NHS: variants seen among roughly 807,000 people sequenced by gnomAD.
NHS encodes NHS actin remodeling regulator, also known as actin remodeling regulator NHS.
Under a neutral mutation model 72.5 loss-of-function variants are expected in NHS, and 5 were observed. The ratio of observed to expected loss-of-function variants is 0.07; its 90% CI spans 0.04 to 0.14. NHS has a LOEUF of 0.14. NHS is among the 10% of genes least tolerant of loss of function. The probability of loss-of-function intolerance (pLI) is 1.00; values close to 1 mark genes in which losing one functional copy is unlikely to be tolerated. For synonymous variants in NHS, 464 were observed against 547.7 expected (o/e 0.85, Z 2.13); for missense variants, 1,072 against 1,355.7 (o/e 0.79, Z 3.29).
At chrX:17,688,940 G>A (rs1023639630) in intron 2 of NHS, among the ~76,000 whole-genome samples, 1 of 111,714 alleles carries the variant, frequency 9.0e-6, no homozygotes, top group African/African-American at 3.3e-5. Flanking sequence ...AGCTTTTTTT[G>A]GCCTTTAGAT....
intron 1 of NHS, among the ~76,000 whole-genome samples, chrX:17,553,727 C>A (rs1272227831): frequency 1.8e-5 from 2 of 111,609 alleles, no homozygotes; most frequent in African/African-American, 3.3e-5. Context: ...ACGCCCTGGG[C>A]AGCCCATGTG....
intron 3 of NHS, among the ~76,000 whole-genome samples, chrX:17,702,505 G>A (rs938188432): frequency 1.8e-5 from 2 of 110,544 alleles, no homozygotes; most frequent in Admixed American, 9.6e-5. Context: ...TGGCCAACAC[G>A]GTGAAACCCC....
At chrX:17,497,237 A>T (rs1393842189) in intron 1 of NHS, among the ~76,000 whole-genome samples, 1 of 111,729 alleles carries the variant, frequency 9.0e-6, no homozygotes, top group Admixed American at 9.5e-5. Flanking sequence ...AATGCCTTGG[A>T]GTTTTTCTGG....
In NHS at chrX:17,725,970, G is replaced by A; in HGVS notation, c.1864G>A (p.Asp622Asn). ...TAGVLLSSHM[D>N]QKDDHQSSSG... ...TGGCGTCCTCCTTAGCAGCCACATG[G>A]ACCAGAAAGATGACCACCAGTCATC... Residue 622 changes from aspartate (D) to asparagine (N), a missense_variant, in exon 7 of 9, where the codon GAC becomes AAC. Transcript: ENST00000676302. 1 of 1,211,605 alleles carries A rather than the reference G, an allele frequency of 8.3e-7. No homozygotes were observed. Among genetic ancestry groups the A allele is most frequent in the African/African-American group, 1.7e-5 (1 of 57,719 alleles).
intron 1 of NHS, among the ~76,000 whole-genome samples, chrX:17,611,768 T>C (rs2065712578): frequency 1.8e-5 from 2 of 110,816 alleles, no homozygotes; most frequent in Admixed American, 1.9e-4. Flanking sequence ...AAGCCAAGGG[T>C]CTTCAAATCC....
intron 1 of NHS, among the ~76,000 whole-genome samples, chrX:17,445,760 G>A (rs924665303): frequency 3.9e-5 from 4 of 102,725 alleles, no homozygotes; most frequent in Non-Finnish European, 7.9e-5. Context: ...AAAAAAAGGG[G>A]GGGGGGACTC....
intron 1 of NHS, among the ~76,000 whole-genome samples, chrX:17,561,564 G>GCACACA (rs2065413165): frequency 1.5e-5 from 1 of 66,788 alleles, no homozygotes; most frequent in African/African-American, 7.9e-5. Context: ...GCATGCGCGC[G>GCACACA]CGCGCGCGCG....
intron 1 of NHS, among the ~76,000 whole-genome samples, chrX:17,593,971 T>C (rs1325110918): frequency 8.9e-6 from 1 of 111,785 alleles, no homozygotes; most frequent in African/African-American, 3.3e-5. Flanking sequence ...TTTTCATACC[T>C]GTTTGTCCTT....
At chrX:17,488,687 C>T (rs996279956) in intron 1 of NHS, among the ~76,000 whole-genome samples, 3 of 111,874 alleles carry the variant, frequency 2.7e-5, no homozygotes, top group African/African-American at 6.5e-5. Context: ...TATTAACCCA[C>T]GAATTATCAA....
intron 1 of NHS, among the ~76,000 whole-genome samples, chrX:17,600,275 A>G (rs766384806): frequency 1.1e-4 from 11 of 98,191 alleles, no homozygotes; most frequent in Non-Finnish European, 2.1e-4. Context: ...GGCAGCTGAG[A>G]CAGAGAGAGA....
At chrX:17,594,643 A>G (rs2065617305) in intron 1 of NHS, among the ~76,000 whole-genome samples, 1 of 112,491 alleles carries the variant, frequency 8.9e-6, no homozygotes, top group African/African-American at 3.2e-5. Flanking sequence ...TGCCTGTCCT[A>G]TTGTCTTTGT....
chrX:17,725,688 T>C lies in NHS; in HGVS notation c.1582T>C (p.Tyr528His). ...EPKVGAKPSA[Y>H]EEGESFVGDH... Reference sequence around the variant, plus strand: ...CAAAGTTGGCGCTAAACCCTCAGCATATGAAGAGGGAGAGTCTTTTGTGGG... The same window carrying C: ...CAAAGTTGGCGCTAAACCCTCAGCACATGAAGAGGGAGAGTCTTTTGTGGG... Residue 528 changes from tyrosine to histidine, a missense_variant, in exon 7 of 9, where the codon TAT (tyrosine) becomes CAT (histidine). By Grantham distance (83) the Tyr-to-His change is moderately conservative (BLOSUM62 2). Transcript: ENST00000676302. 1 of 1,211,167 alleles carries C rather than the reference T, an allele frequency of 8.3e-7. No homozygotes were observed. Among genetic ancestry groups the C allele is most frequent in the Admixed American group, 2.2e-5 (1 of 45,990 alleles).
At chrX:17,626,483 C>T (rs1170921574) in intron 1 of NHS, among the ~76,000 whole-genome samples, 1 of 111,994 alleles carries the variant, frequency 8.9e-6, no homozygotes, top group Non-Finnish European at 1.9e-5. Flanking sequence ...AGCCCCCAGC[C>T]AGCCCTGGAA....
intron 1 of NHS, among the ~76,000 whole-genome samples, chrX:17,433,894 C>G (rs2064707309): frequency 8.9e-6 from 1 of 111,964 alleles, no homozygotes; most frequent in African/African-American, 3.3e-5. Flanking sequence ...CTACAACATC[C>G]CCAAACCTCA....
At chrX:17,680,074 C>T (rs2066117260) in intron 1 of NHS, among the ~76,000 whole-genome samples, 1 of 112,394 alleles carries the variant, frequency 8.9e-6, no homozygotes, top group South Asian at 3.7e-4. Flanking sequence ...GCTTCTGTGG[C>T]TGGTTCATCT....
chrX:17,445,143 C>T (rs1377683641), intron 1 of NHS, among the ~76,000 whole-genome samples: 5 of 99,238 alleles, frequency 5.0e-5, no homozygotes, highest in South Asian at 4.5e-4. Flanking sequence ...AAGGGCACAT[C>T]GAGCATTTCA....
intron 1 of NHS, among the ~76,000 whole-genome samples, chrX:17,387,044 C>T (rs1037726291): frequency 8.9e-6 from 1 of 112,243 alleles, no homozygotes; most frequent in Non-Finnish European, 1.9e-5. Flanking sequence ...AATTATTGTT[C>T]AGACGGATTC....
At chrX:17,639,325 A>G (rs147496603) in intron 1 of NHS, among the ~76,000 whole-genome samples, 81 of 112,286 alleles carry the variant, frequency 7.2e-4, no homozygotes, top group East Asian at 4.2e-3. Context: ...CTTCCAAGTC[A>G]GGTGCCTTAG....
intron 1 of NHS, among the ~76,000 whole-genome samples, chrX:17,618,074 T>C (rs997303710): frequency 8.9e-6 from 1 of 112,080 alleles, no homozygotes; most frequent in Admixed American, 9.5e-5. Context: ...GGCCTCAGAA[T>C]GGCTTTTGTC....
Sources: gnomAD v4.1 joint callset for allele counts (sites outside exome capture counted in the v4.1 genomes callset) on GRCh38, gnomAD v4.1.1 for gene constraint, MANE v1.5 for transcripts, NCBI Gene and HGNC (gene_info 2026-07-23, HGNC 2026-07-21) for gene names.